The following GPR158 variants were observed in gnomAD, a reference collection of about 807,000 sequenced individuals.
The protein encoded by GPR158 is G protein-coupled receptor 158.
Under a neutral mutation model 78.2 loss-of-function variants are expected in GPR158, and 30 were observed. The observed-to-expected ratio is 0.38, with a 90% CI of 0.29 to 0.52. GPR158 has a LOEUF of 0.52. GPR158 is among the 20% of genes least tolerant of loss of function. The probability of loss-of-function intolerance (pLI) is 0.83; values close to 1 mark genes in which losing one functional copy is unlikely to be tolerated. For missense variants in GPR158, 1,463 were observed against 1,523.5 expected (o/e 0.96, Z 0.66); for synonymous variants, 581 against 591.1 (o/e 0.98, Z 0.25).
intron 2 of GPR158, among the ~76,000 whole-genome samples, chr10:25,250,394 A>C (rs1853776891): frequency 7.0e-6 from 1 of 143,332 alleles, no homozygotes; most frequent in Non-Finnish European, 1.5e-5. Flanking sequence ...AGTTCTTTTA[A>C]TTGTGATGTT....
At chr10:25,592,016 T>C (rs1027748237) in intron 8 of GPR158, among the ~76,000 whole-genome samples, 2 of 151,976 alleles carry the variant, frequency 1.3e-5, no homozygotes, top group Non-Finnish European at 2.9e-5. Context: ...ATTTATAAAG[T>C]CCAAGAATAA....
intron 2 of GPR158, among the ~76,000 whole-genome samples, chr10:25,366,924 T>A (rs775559604): frequency 2.0e-5 from 3 of 151,828 alleles, no homozygotes; most frequent in Non-Finnish European, 2.9e-5. Flanking sequence ...TTTTTCTTAT[T>A]CAGACGGAAG....
chr10:25,401,512 C>T (rs1834445865), intron 3 of GPR158, among the ~76,000 whole-genome samples: 1 of 152,072 alleles, frequency 6.6e-6, no homozygotes, highest in Admixed American at 6.6e-5. Flanking sequence ...TAAAAATGGG[C>T]TGTGGACTGA....
chr10:25,441,960 G>A (rs993192996), intron 4 of GPR158, among the ~76,000 whole-genome samples: 4 of 152,240 alleles, frequency 2.6e-5, no homozygotes, highest in Middle Eastern at 6.8e-3. Flanking sequence ...GTTTAAGGGC[G>A]TTTGAAACTA....
At chr10:25,296,194 C>T (rs748562096) in intron 2 of GPR158, among the ~76,000 whole-genome samples, 2 of 152,060 alleles carry the variant, frequency 1.3e-5, no homozygotes, top group Non-Finnish European at 2.9e-5. Context: ...TATTTGTACA[C>T]TATATCAGCC....
chr10:25,507,301 G>C (rs999232264), intron 5 of GPR158, among the ~76,000 whole-genome samples: 3 of 152,208 alleles, frequency 2.0e-5, no homozygotes, highest in African/African-American at 7.2e-5. Context: ...CAGCACTAAA[G>C]ATGACTACAC....
intron 2 of GPR158, among the ~76,000 whole-genome samples, chr10:25,241,193 T>TC (rs1554787153): frequency 1.2e-3 from 124 of 101,576 alleles, no homozygotes; most frequent in African/African-American, 3.3e-3. Context: ...TTCTTTCCTT[T>TC]CTTTCTTTCC....
intron 2 of GPR158, among the ~76,000 whole-genome samples, chr10:25,360,894 G>T: frequency 6.6e-6 from 1 of 152,074 alleles, no homozygotes; most frequent in East Asian, 1.9e-4. Context: ...CTATCCATGA[G>T]CATGGAAGCT....
intron 1 of GPR158, among the ~76,000 whole-genome samples, chr10:25,208,103 G>A (rs915081117): frequency 6.6e-6 from 1 of 152,322 alleles, no homozygotes; most frequent in South Asian, 2.1e-4. Flanking sequence ...ATATTCAATT[G>A]TGCAGAGCAG....
intron 2 of GPR158, among the ~76,000 whole-genome samples, chr10:25,241,513 T>C (rs1158236420): frequency 6.7e-6 from 1 of 148,384 alleles, no homozygotes; most frequent in African/African-American, 2.5e-5. Context: ...CTCTGCCTCC[T>C]GGGTTCAAGC....
chr10:25,405,342 A>G (rs2130540531), intron 3 of GPR158, among the ~76,000 whole-genome samples: 1 of 152,128 alleles, frequency 6.6e-6, no homozygotes, highest in South Asian at 2.1e-4. Flanking sequence ...TAATTGCAAA[A>G]GATACTTTTT....
chr10:25,400,373 A>T (rs1243973117), intron 3 of GPR158, among the ~76,000 whole-genome samples: 1 of 152,312 alleles, frequency 6.6e-6, no homozygotes, highest in East Asian at 1.9e-4. Context: ...AGAAAATATA[A>T]ATATGACTTA....
intron 5 of GPR158, among the ~76,000 whole-genome samples, chr10:25,482,705 A>G (rs1263196234): frequency 6.6e-6 from 1 of 152,044 alleles, no homozygotes; most frequent in Admixed American, 6.6e-5. Flanking sequence ...CTCCAGCTCA[A>G]ATCTCTGTTT....
intron 2 of GPR158, among the ~76,000 whole-genome samples, chr10:25,240,811 A>G (rs1853593977): frequency 6.6e-6 from 1 of 152,204 alleles, no homozygotes; most frequent in East Asian, 1.9e-4. Context: ...GAGTAGAGCT[A>G]CCTTTTGGAA....
intron 5 of GPR158, among the ~76,000 whole-genome samples, chr10:25,485,230 TA>T (rs1170641491): frequency 6.6e-6 from 1 of 152,012 alleles, no homozygotes; most frequent in Non-Finnish European, 1.5e-5. Flanking sequence ...TGGTTGCAAG[TA>T]TTTTTTTTTA....
At chr10:25,575,483 A>T (rs1376857908) in intron 7 of GPR158, among the ~76,000 whole-genome samples, 2 of 152,148 alleles carry the variant, frequency 1.3e-5, no homozygotes, top group Non-Finnish European at 2.9e-5. Flanking sequence ...AGAAATGCAG[A>T]TTCTCAGAGC....
chr10:25,362,571 A>G (rs999563114), intron 2 of GPR158, among the ~76,000 whole-genome samples: 1 of 151,840 alleles, frequency 6.6e-6, no homozygotes, highest in African/African-American at 2.4e-5. Context: ...TAATTTTTCA[A>G]TCCATGAACA....
chr10:25,450,170 G>A (rs1835194933), intron 4 of GPR158, among the ~76,000 whole-genome samples: 1 of 152,050 alleles, frequency 6.6e-6, no homozygotes, highest in African/African-American at 2.4e-5. Context: ...AGAGCAGGGA[G>A]GTGGAAATAG....
At chr10:25,204,890 C>T (rs930698658) in intron 1 of GPR158, among the ~76,000 whole-genome samples, 2 of 148,442 alleles carry the variant, frequency 1.3e-5, no homozygotes, top group Admixed American at 6.7e-5. Flanking sequence ...GCTGTGTCCC[C>T]AACCAAATCT....
Sources: gnomAD v4.1 joint callset for allele counts (sites outside exome capture counted in the v4.1 genomes callset) on GRCh38, gnomAD v4.1.1 for gene constraint, MANE v1.5 for transcripts, NCBI Gene and HGNC (gene_info 2026-07-23, HGNC 2026-07-21) for gene names.